The following ZNF440 variants were observed in gnomAD, a reference collection of about 807,000 sequenced individuals.
ZNF440 encodes zinc finger protein 440.
In ZNF440, 47 loss-of-function variants were observed where a neutral mutation model predicts 49.7. That is an observed-to-expected ratio of 0.95 (90% CI 0.75 to 1.21). ZNF440 has a LOEUF of 1.21. ZNF440 is among the 50% of genes most tolerant of loss of function. The pLI, the probability that ZNF440 is intolerant of heterozygous loss-of-function variation, is 0.00. For synonymous variants in ZNF440, 255 were observed against 237.7 expected (o/e 1.07, Z -0.67); for missense variants, 703 against 715.0 (o/e 0.98, Z 0.19).
chr19:11,820,931 T>C (rs17001671), intron 1 of ZNF440, among the ~76,000 whole-genome samples: 17,063 of 151,922 alleles, frequency 0.11, 1,664 homozygotes, highest in East Asian at 0.25. Context: ...AAAATATACA[T>C]GGGGGTACAC....
At chr19:11,822,740 A>G (rs1332457627) in intron 1 of ZNF440, among the ~76,000 whole-genome samples, 4 of 151,692 alleles carry the variant, frequency 2.6e-5, no homozygotes, top group Non-Finnish European at 4.4e-5. Context: ...CCAGCTACTC[A>G]GGAGGCTGAA....
chr19:11,821,485 G>GA (rs554038333), intron 1 of ZNF440, among the ~76,000 whole-genome samples: 127 of 152,264 alleles, frequency 8.3e-4, no homozygotes, highest in African/African-American at 2.9e-3. Flanking sequence ...CTGTCCTCTG[G>GA]ATTGTGTCAA....
In ZNF440 at chr19:11,833,216, A is replaced by G. The variant is rs1156959203; in HGVS notation, c.*252A>G. The G allele has an allele frequency of 3.2e-5, 33 of 1,023,568 alleles. No homozygotes were observed. In the East Asian group the frequency reaches 7.3e-4, roughly 23 times the overall value. 63.4% of individuals were successfully genotyped at this position (1,023,568 alleles called of 1,614,324 possible). A position where few individuals can be genotyped will look rare whatever the true frequency, so the allele number is the denominator to read the frequency against. On this transcript the variant is annotated 3_prime_UTR_variant, in exon 4 of 4. Coordinates refer to ENST00000304060, the MANE Select transcript of ZNF440 (RefSeq NM_152357.3). ...CAAAAATCTTCGATTTCATAAAAGG[A>G]CACACACTGGAGAGAAACCCTGTGA...
chr19:11,814,917 C>G (rs2145111516), intron 1 of ZNF440, among the ~76,000 whole-genome samples: 1 of 152,250 alleles, frequency 6.6e-6, no homozygotes, highest in Admixed American at 6.5e-5. Context: ...CTTCTGTGTC[C>G]TTTCCTCATT....
rs1416438082 is a variant in ZNF440, at chr19:11,831,949, A to G, written c.773A>G (p.Tyr258Cys). The change falls in exon 4 of 4, where the codon TAT becomes TGT. Residue 258 changes from tyrosine to cysteine, a missense_variant. By Grantham distance (194) the Tyr-to-Cys change is radical. Coordinates refer to ENST00000304060, the MANE Select transcript of ZNF440 (RefSeq NM_152357.3). The stretch of plus-strand genomic sequence containing the variant: ...CACACTGGAGAAAAGCCTTATGAAT[A>G]TCAGGAGTGTGGGAAAGCATTTCAT... ...RTHTGEKPYE[Y>C]QECGKAFHSP... The G allele has an allele frequency of 6.2e-7, 1 of 1,613,838 alleles. No individual in the cohort carries two copies. Among genetic ancestry groups the G allele is most frequent in the Admixed American group, 1.7e-5 (1 of 59,996 alleles).
chr19:11,822,845 T>TAA lies in ZNF440; in HGVS notation c.4-7423_4-7422dup, dbSNP rs547706900. On this transcript the variant is annotated intron_variant, in intron 1 of 3. Transcript: ENST00000304060. Reference sequence around the variant, plus strand: ...CTGGGCAACAAGAGTGAAACTCCGTTAAAAAAAAAAAAAAAAGATGCCCTG... The same window carrying TAA: ...CTGGGCAACAAGAGTGAAACTCCGTTAAAAAAAAAAAAAAAAAAGATGCCCTG... Among the ~76,000 whole-genome samples, 35 of 117,544 alleles carry TAA rather than the reference T, an allele frequency of 3.0e-4. 2 individuals carry two copies. The highest frequency in any genetic ancestry group is 1.1e-3 in the African/African-American group (32 of 30,174). The allele number at this position is 117,544 out of a possible 152,430, so 77.1% of individuals were successfully genotyped here. A position where few individuals can be genotyped will look rare whatever the true frequency, so the allele number is the denominator to read the frequency against.
chr19:11,818,630 A>G lies in ZNF440; in HGVS notation c.3+4180A>G, dbSNP rs376667612. ...AGTGGTGCGATCATGGCTTACTGCA[A>G]CCTTGACCTCCCCGGCTCAAGCACC... is the stretch of plus-strand genomic sequence containing the variant. On this transcript the variant is annotated intron_variant, in intron 1 of 3. Coordinates refer to ENST00000304060, the MANE Select transcript of ZNF440 (RefSeq NM_152357.3). 3.9e-5 allele frequency among the ~76,000 whole-genome samples: 6 copies of G among 152,150 alleles called. No individual in the cohort carries two copies. The East Asian group carries it at 7.7e-4, about 20-fold the overall frequency.
At chr19:11,829,190 G>A (rs576645147) in intron 1 of ZNF440, among the ~76,000 whole-genome samples, 8 of 151,914 alleles carry the variant, frequency 5.3e-5, no homozygotes, top group African/African-American at 1.9e-4. Flanking sequence ...GTGTACATAC[G>A]GTGCCAGGTT....
chr19:11,820,856 C>G (rs573875851), intron 1 of ZNF440, among the ~76,000 whole-genome samples: 1 of 152,236 alleles, frequency 6.6e-6, no homozygotes, highest in East Asian at 1.9e-4. Flanking sequence ...GAAGAGAGAA[C>G]TCAGAGAACT....
chr19:11,829,587 G>A (rs188399995), intron 1 of ZNF440, among the ~76,000 whole-genome samples: 1 of 152,234 alleles, frequency 6.6e-6, no homozygotes, highest in African/African-American at 2.4e-5. Flanking sequence ...GGACAGCCCA[G>A]GCAACCCGCT....
chr19:11,830,693 A>C lies in ZNF440; in HGVS notation c.191+16A>C, dbSNP rs1277496810. On this transcript the variant is annotated intron_variant, in intron 3 of 3. Transcript: ENST00000304060. The stretch of plus-strand genomic sequence containing the variant: ...GAAACTTCAGGTAATTTGTACTTAC[A>C]AGACAAAGCAGTGTCTCTCTAGACA... 2 of 1,612,910 alleles carry C rather than the reference A, an allele frequency of 1.2e-6. No homozygotes were observed. The highest frequency in any genetic ancestry group is 1.7e-6 in the Non-Finnish European group (2 of 1,179,134).
intron 1 of ZNF440, among the ~76,000 whole-genome samples, chr19:11,820,549 C>CG (rs945549558): frequency 3.3e-5 from 5 of 151,948 alleles, no homozygotes; most frequent in African/African-American, 1.2e-4. Flanking sequence ...TTCCAGGTTT[C>CG]GGGTTTTAGA....
intron 3 of ZNF440, among the ~76,000 whole-genome samples, chr19:11,830,884 G>A (rs1975928534): frequency 6.6e-6 from 1 of 152,186 alleles, no homozygotes; most frequent in Non-Finnish European, 1.5e-5. Context: ...GGAGATAGGA[G>A]GATAGCTTGA....
chr19:11,834,353 T>G lies in ZNF440; in HGVS notation c.*1389T>G, dbSNP rs1975992565. Reference sequence around the variant, plus strand: ...CATATTGGCTAGGCTGGTCTCAAACTCCAGACCTCATGATTTACCCACCTC... The same window carrying G: ...CATATTGGCTAGGCTGGTCTCAAACGCCAGACCTCATGATTTACCCACCTC... On this transcript the variant is annotated 3_prime_UTR_variant, in exon 4 of 4. Transcript: ENST00000304060. The G allele has an allele frequency of 6.5e-6, 1 of 153,236 alleles. No individual in the cohort carries two copies. Among genetic ancestry groups the G allele is most frequent in the Non-Finnish European group, 1.5e-5 (1 of 68,750 alleles). The allele number at this position is 153,236 out of a possible 1,614,324, so 9.5% of individuals were successfully genotyped here. A position where few individuals can be genotyped will look rare whatever the true frequency, so the allele number is the denominator to read the frequency against.
At chr19:11,815,911 G>A (rs1975727724) in intron 1 of ZNF440, 1 of 152,116 alleles carries the variant, frequency 6.6e-6, no homozygotes, top group Non-Finnish European at 1.5e-5. Flanking sequence ...CAACAACAAC[G>A]ATTCACGAAT....
rs575909496 is a variant in ZNF440 at position 11,818,643 on chromosome 19, C to T, written c.3+4193C>T. 3.2e-4 allele frequency among the ~76,000 whole-genome samples: 48 copies of T among 152,140 alleles called. No individual in the cohort carries two copies. The South Asian group carries it at 7.3e-3, about 23-fold the overall frequency. On this transcript the variant is annotated intron_variant, in intron 1 of 3. Coordinates refer to ENST00000304060, the MANE Select transcript of ZNF440 (RefSeq NM_152357.3). Reference sequence around the variant, plus strand: ...TGGCTTACTGCAACCTTGACCTCCCCGGCTCAAGCACCTCCGCCTCCCAAG... The same window carrying T: ...TGGCTTACTGCAACCTTGACCTCCCTGGCTCAAGCACCTCCGCCTCCCAAG...
intron 1 of ZNF440, among the ~76,000 whole-genome samples, chr19:11,815,326 A>ACACACACAC (rs1568237555): frequency 2.8e-4 from 42 of 150,332 alleles, no homozygotes; most frequent in South Asian, 6.3e-4. Context: ...ACACACACAC[A>ACACACACAC]AATTAAATAG....
rs767131328 is a variant in ZNF440 at position 11,832,378 on chromosome 19, G to T, written c.1202G>T (p.Cys401Phe). The change falls in exon 4 of 4, where the codon TGT (cysteine) becomes TTT (phenylalanine). Residue 401 changes from cysteine (C) to phenylalanine (F), a missense_variant. By Grantham distance (205) the Cys-to-Phe change is radical. Coordinates refer to ENST00000304060, the MANE Select transcript of ZNF440 (RefSeq NM_152357.3). Reference sequence around the variant, plus strand: ...GAGAAACCCTATGAGTGTAAGCAATGTGGGAAAGCCTTCAGATCTGCCTCA... The same window carrying T: ...GAGAAACCCTATGAGTGTAAGCAATTTGGGAAAGCCTTCAGATCTGCCTCA... ...TGEKPYECKQCGKAFRSASHL... is the reference protein window; with the variant it reads ...TGEKPYECKQFGKAFRSASHL... 10 of 1,613,678 alleles carry T rather than the reference G, an allele frequency of 6.2e-6. No homozygotes were observed. The South Asian group carries it at 8.8e-5, about 14-fold the overall frequency.
chr19:11,816,532 G>A (rs1317551787), intron 1 of ZNF440: 1 of 152,196 alleles, frequency 6.6e-6, no homozygotes, highest in East Asian at 1.9e-4. Context: ...AAGGAGACCT[G>A]TCTCACCTCC....
Sources: gnomAD v4.1 joint callset for allele counts (sites outside exome capture counted in the v4.1 genomes callset) on GRCh38, gnomAD v4.1.1 for gene constraint, MANE v1.5 for transcripts, NCBI Gene and HGNC (gene_info 2026-07-23, HGNC 2026-07-21) for gene names.